Variants in CEMIP observed in about 807,000 individuals in gnomAD.
The protein encoded by CEMIP is cell migration-inducing and hyaluronan-binding protein.
In CEMIP, 105 loss-of-function variants were observed where a neutral mutation model predicts 156.9. The observed-to-expected ratio is 0.67, with a 90% CI of 0.57 to 0.79. The LOEUF (loss-of-function observed/expected upper bound fraction) is 0.79, where lower values mean the gene tolerates loss of function less well. Ranked by LOEUF, CEMIP falls within the 30% of genes least tolerant of loss-of-function variation. The pLI, the probability that CEMIP is intolerant of heterozygous loss-of-function variation, is 0.00. For synonymous variants in CEMIP, 676 were observed against 668.4 expected (o/e 1.01, Z -0.17); for missense variants, 1,457 against 1,769.4 (o/e 0.82, Z 3.17).
intron 1 of CEMIP, among the ~76,000 whole-genome samples, chr15:80,787,406 G>A (rs1024179281): frequency 6.6e-6 from 1 of 152,220 alleles, no homozygotes; most frequent in Non-Finnish European, 1.5e-5. Context: ...ATGGGCATTT[G>A]CAGTTGCCTG....
At chr15:80,834,495 T>C (rs994677035) in intron 1 of CEMIP, among the ~76,000 whole-genome samples, 1 of 152,376 alleles carries the variant, frequency 6.6e-6, no homozygotes, top group Non-Finnish European at 1.5e-5. Flanking sequence ...TTTTAAAATA[T>C]GGCTATTCAA....
At chr15:80,848,827 CTT>C (rs1897629734) in intron 1 of CEMIP, among the ~76,000 whole-genome samples, 1 of 151,620 alleles carries the variant, frequency 6.6e-6, no homozygotes, top group African/African-American at 2.4e-5. Flanking sequence ...CCAGATGAAT[CTT>C]TTCTGCACTC....
chr15:80,911,401 A>T (rs896390718), intron 14 of CEMIP, among the ~76,000 whole-genome samples: 4 of 152,226 alleles, frequency 2.6e-5, no homozygotes, highest in African/African-American at 9.6e-5. Flanking sequence ...TCTATTCATA[A>T]ATTTAGCTTA....
chr15:80,799,706 G>A (rs1009123025), intron 1 of CEMIP, among the ~76,000 whole-genome samples: 1 of 152,136 alleles, frequency 6.6e-6, no homozygotes, highest in African/African-American at 2.4e-5. Flanking sequence ...TAAAGAAAAT[G>A]TATATATATG....
At chr15:80,852,001 G>C (rs1897727282) in intron 1 of CEMIP, among the ~76,000 whole-genome samples, 1 of 152,166 alleles carries the variant, frequency 6.6e-6, no homozygotes. Flanking sequence ...CTGAAGAGAT[G>C]ATGAGGAAGT....
intron 1 of CEMIP, among the ~76,000 whole-genome samples, chr15:80,783,655 A>G (rs1895853335): frequency 6.6e-6 from 1 of 152,100 alleles, no homozygotes; most frequent in Non-Finnish European, 1.5e-5. Context: ...TGCTAATTTG[A>G]GTAGGATGGT....
At chr15:80,893,112 G>T (rs1386141941) in intron 10 of CEMIP, among the ~76,000 whole-genome samples, 1 of 152,134 alleles carries the variant, frequency 6.6e-6, no homozygotes, top group Non-Finnish European at 1.5e-5. Flanking sequence ...GCTTGAACAG[G>T]TGGAGGTTGC....
Position 80,878,844 on chromosome 15 carries a change from A to G in CEMIP, c.218A>G (p.Tyr73Cys). The G allele has an allele frequency of 1.9e-6, 3 of 1,614,176 alleles. No homozygotes were observed. Among genetic ancestry groups the G allele is most frequent in the South Asian group, 1.1e-5 (1 of 91,090 alleles). Reference protein sequence around the residue: ...TLLLTSSATVYSIHISEGGKL... With the variant: ...TLLLTSSATVCSIHISEGGKL... ...CTGCTCACCTCTTCTGCCACGGTCT[A>G]TTCCATCCACATCTCAGAGGGAGGT... Residue 73 changes from tyrosine (Y) to cysteine (C), a missense_variant, in exon 4 of 30, where the codon TAT becomes TGT. By Grantham distance (194) the Tyr-to-Cys change is radical. Coordinates refer to ENST00000394685, the MANE Select transcript of CEMIP (RefSeq NM_001293298.2).
intron 8 of CEMIP, 66 bp downstream of exon 8, chr15:80,887,830 T>A: frequency 7.8e-7 from 1 of 1,283,784 alleles, no homozygotes; most frequent in Non-Finnish European, 1.1e-6. Flanking sequence ...GTGCAGGGCT[T>A]TTCTGAACAT....
chr15:80,931,371 CTGATT>C (rs1900905356), intron 21 of CEMIP, among the ~76,000 whole-genome samples: 1 of 152,218 alleles, frequency 6.6e-6, no homozygotes, highest in Non-Finnish European at 1.5e-5. Context: ...GGGTCTTAAT[CTGATT>C]TAATTGTTAT....
chr15:80,892,916 G>C (rs1213856543), intron 10 of CEMIP, among the ~76,000 whole-genome samples: 2 of 152,214 alleles, frequency 1.3e-5, no homozygotes. Flanking sequence ...GGCTGGACTG[G>C]TGGCCCACGC....
chr15:80,911,131 T>C (rs968399293), intron 14 of CEMIP, among the ~76,000 whole-genome samples: 17 of 152,096 alleles, frequency 1.1e-4, no homozygotes, highest in Admixed American at 5.2e-4. Context: ...GCTTCCAGGA[T>C]TGAGCAAGCA....
At chr15:80,896,946 C>CATG (rs944187476) in intron 12 of CEMIP, among the ~76,000 whole-genome samples, 1 of 152,152 alleles carries the variant, frequency 6.6e-6, no homozygotes, top group Non-Finnish European at 1.5e-5. Flanking sequence ...ATGCTTAGGC[C>CATG]ATGGGACATA....
chr15:80,935,530 A>T (rs1323890145), intron 23 of CEMIP, among the ~76,000 whole-genome samples: 1 of 152,186 alleles, frequency 6.6e-6, no homozygotes, highest in Admixed American at 6.5e-5. Context: ...ACCTTCTGAT[A>T]CTCAGGGCAA....
At chr15:80,925,053 A>T (rs1394862061) in intron 18 of CEMIP, among the ~76,000 whole-genome samples, 1 of 152,212 alleles carries the variant, frequency 6.6e-6, no homozygotes, top group Non-Finnish European at 1.5e-5. Context: ...CATCAGTTTA[A>T]TGGGAAAGAA....
chr15:80,863,879 G>C (rs1898049735), intron 1 of CEMIP, among the ~76,000 whole-genome samples: 1 of 152,096 alleles, frequency 6.6e-6, no homozygotes, highest in Non-Finnish European at 1.5e-5. Context: ...GTTTAATACT[G>C]GGATGGGTAA....
chr15:80,878,745 G>GC lies in CEMIP; in HGVS notation c.122dup (p.Glu42Ter). On this transcript the variant is annotated frameshift_variant, in exon 4 of 30. Transcript: ENST00000394685. LOFTEE classifies it high-confidence loss of function. ...GTGGCTGCTGGGTGCCCTGACCAGA[G>GC]CCCTGAGTTGCAACCCTGGAACCCT... 6.2e-7 allele frequency: 1 copy of GC among 1,614,158 alleles called. No individual in the cohort carries two copies.
intron 1 of CEMIP, among the ~76,000 whole-genome samples, chr15:80,796,972 T>A (rs934329043): frequency 1.3e-5 from 2 of 152,202 alleles, no homozygotes; most frequent in Admixed American, 1.3e-4. Flanking sequence ...GGCAATCAGA[T>A]AACCTGGTAC....
chr15:80,878,961 A>G (rs570895877), intron 4 of CEMIP, 94 bp downstream of exon 4: 1 of 1,463,692 alleles, frequency 6.8e-7, no homozygotes, highest in East Asian at 2.3e-5. Context: ...GATGGACAGA[A>G]TAAACATCAC....
Sources: gnomAD v4.1 joint callset for allele counts (sites outside exome capture counted in the v4.1 genomes callset) on GRCh38, gnomAD v4.1.1 for gene constraint, MANE v1.5 for transcripts, NCBI Gene and HGNC (gene_info 2026-07-23, HGNC 2026-07-21) for gene names.